BMPR1B: variants seen among roughly 807,000 people sequenced by gnomAD.
The protein encoded by BMPR1B is bone morphogenetic protein receptor type-1B.
In BMPR1B, 12 loss-of-function variants were observed where a neutral mutation model predicts 59.1. That is an observed-to-expected ratio of 0.20 (90% CI 0.13 to 0.33). The LOEUF is 0.33. Among genes scored for constraint, BMPR1B ranks in the 10% least tolerant of loss-of-function variants. BMPR1B has a pLI of 1.00. For synonymous variants in BMPR1B, 237 were observed against 207.3 expected (o/e 1.14, Z -1.23); for missense variants, 550 against 610.9 (o/e 0.90, Z 1.05).
intron 1 of BMPR1B, among the ~76,000 whole-genome samples, chr4:94,774,786 G>C (rs1444379589): frequency 1.3e-5 from 2 of 152,050 alleles, no homozygotes; most frequent in African/African-American, 4.8e-5. Context: ...TGTATGAAAT[G>C]TCAAAACCTG....
intron 2 of BMPR1B, among the ~76,000 whole-genome samples, chr4:94,973,391 A>G (rs1441324375): frequency 5.3e-5 from 8 of 152,298 alleles, no homozygotes; most frequent in Admixed American, 2.6e-4. Context: ...TTTATTGTCA[A>G]TGAAAGTGGC....
At chr4:94,973,741 C>G (rs553426887) in intron 2 of BMPR1B, among the ~76,000 whole-genome samples, 1 of 152,150 alleles carries the variant, frequency 6.6e-6, no homozygotes, top group Admixed American at 6.5e-5. Context: ...ATTTCTCTGC[C>G]TCCGTCCCTA....
intron 3 of BMPR1B, among the ~76,000 whole-genome samples, chr4:94,997,392 G>A (rs528138482): frequency 3.3e-4 from 50 of 152,124 alleles, no homozygotes; most frequent in South Asian, 2.1e-4. Flanking sequence ...AATAGGATAA[G>A]CCAGATCTAA....
chr4:95,040,686 A>T (rs1010849690), intron 3 of BMPR1B, among the ~76,000 whole-genome samples: 1 of 152,184 alleles, frequency 6.6e-6, no homozygotes, highest in Non-Finnish European at 1.5e-5. Flanking sequence ...GGACTCCAGG[A>T]GTCGAAGTGT....
chr4:94,932,980 A>G (rs1729152275), intron 2 of BMPR1B, among the ~76,000 whole-genome samples: 1 of 152,128 alleles, frequency 6.6e-6, no homozygotes, highest in Non-Finnish European at 1.5e-5. Context: ...TAATTGTAAA[A>G]GTAATATGTG....
intron 2 of BMPR1B, among the ~76,000 whole-genome samples, chr4:94,970,603 A>G (rs1730754087): frequency 1.3e-5 from 2 of 152,004 alleles, no homozygotes; most frequent in South Asian, 4.2e-4. Flanking sequence ...ATGAACCACC[A>G]CACCCGGCCT....
At chr4:95,005,754 TTC>T (rs1323152505) in intron 3 of BMPR1B, among the ~76,000 whole-genome samples, 1 of 152,214 alleles carries the variant, frequency 6.6e-6, no homozygotes, top group Non-Finnish European at 1.5e-5. Context: ...ATCTTCTGTC[TTC>T]TGTCTATTGC....
At chr4:94,850,717 C>G (rs1010541719) in intron 1 of BMPR1B, among the ~76,000 whole-genome samples, 4 of 152,166 alleles carry the variant, frequency 2.6e-5, no homozygotes, top group Admixed American at 1.3e-4. Flanking sequence ...CCGCTCTTGT[C>G]CAAGGCTGGA....
At chr4:95,043,227 T>A (rs1330756978) in intron 3 of BMPR1B, among the ~76,000 whole-genome samples, 1 of 149,616 alleles carries the variant, frequency 6.7e-6, no homozygotes, top group South Asian at 2.1e-4. Flanking sequence ...ACCTCACAGT[T>A]TATCTATCAC....
At chr4:94,837,055 G>C (rs1724848729) in intron 1 of BMPR1B, among the ~76,000 whole-genome samples, 1 of 143,670 alleles carries the variant, frequency 7.0e-6, no homozygotes, top group African/African-American at 2.6e-5. Flanking sequence ...GTTTGTCAAA[G>C]ATCAGATAGT....
At chr4:94,850,611 C>A (rs1725530132) in intron 1 of BMPR1B, among the ~76,000 whole-genome samples, 1 of 152,022 alleles carries the variant, frequency 6.6e-6, no homozygotes, top group Non-Finnish European at 1.5e-5. Flanking sequence ...AATCTTTTTC[C>A]CATTGAATTT....
chr4:94,810,522 G>T (rs866554499), intron 1 of BMPR1B, among the ~76,000 whole-genome samples: 1 of 152,062 alleles, frequency 6.6e-6, no homozygotes, highest in African/African-American at 2.4e-5. Flanking sequence ...TTGCCCAGAG[G>T]ACAAGAATAC....
At chr4:95,112,041 T>G (rs529160083) in intron 4 of BMPR1B, among the ~76,000 whole-genome samples, 1 of 152,064 alleles carries the variant, frequency 6.6e-6, no homozygotes, top group Non-Finnish European at 1.5e-5. Context: ...ACTCAACTAC[T>G]GTTTCATTTT....
intron 1 of BMPR1B, among the ~76,000 whole-genome samples, chr4:94,857,320 G>T (rs1461595563): frequency 1.3e-5 from 2 of 152,112 alleles, no homozygotes; most frequent in African/African-American, 4.8e-5. Flanking sequence ...CAGTGAAAAG[G>T]TGCTATGTGA....
At chr4:94,828,065 A>G (rs1173263256) in intron 1 of BMPR1B, among the ~76,000 whole-genome samples, 2 of 152,228 alleles carry the variant, frequency 1.3e-5, no homozygotes, top group Non-Finnish European at 2.9e-5. Flanking sequence ...AATATACGTA[A>G]AGTGTTTCAT....
chr4:95,122,855 T>TA (rs1183380326), intron 6 of BMPR1B, among the ~76,000 whole-genome samples: 3 of 152,146 alleles, frequency 2.0e-5, no homozygotes, highest in African/African-American at 7.2e-5. Context: ...AGTCATAAAT[T>TA]ACAATACTAC....
At chr4:94,769,164 T>G (rs1384185959) in intron 1 of BMPR1B, among the ~76,000 whole-genome samples, 1 of 152,238 alleles carries the variant, frequency 6.6e-6, no homozygotes, top group African/African-American at 2.4e-5. Context: ...TAATGTAGTT[T>G]AACAATAATA....
chr4:95,067,142 A>G (rs1258130923), intron 3 of BMPR1B, among the ~76,000 whole-genome samples: 6 of 152,188 alleles, frequency 3.9e-5, no homozygotes, highest in Non-Finnish European at 8.8e-5. Flanking sequence ...TTTATTTGCT[A>G]TAAATTATAG....
intron 1 of BMPR1B, among the ~76,000 whole-genome samples, chr4:94,780,984 G>A (rs1229143555): frequency 6.6e-6 from 1 of 151,940 alleles, no homozygotes; most frequent in Admixed American, 6.6e-5. Context: ...CACCGCAGCC[G>A]GCCTATTATC....
Sources: gnomAD v4.1 joint callset for allele counts (sites outside exome capture counted in the v4.1 genomes callset) on GRCh38, gnomAD v4.1.1 for gene constraint, MANE v1.5 for transcripts, NCBI Gene and HGNC (gene_info 2026-07-23, HGNC 2026-07-21) for gene names.